MYO3A: variants seen among roughly 807,000 people sequenced by gnomAD.
MYO3A encodes myosin-IIIa.
In MYO3A, 180 loss-of-function variants were observed where a neutral mutation model predicts 192.7. That is an observed-to-expected ratio of 0.93 (90% confidence interval 0.83 to 1.06). The LOEUF (loss-of-function observed/expected upper bound fraction) is 1.06. Among genes scored for constraint, MYO3A ranks in the 50% least tolerant of loss-of-function variants. The pLI is 0.00. For synonymous variants in MYO3A, 628 were observed against 645.3 expected, an observed-to-expected ratio of 0.97 and a Z score of 0.41; for missense variants, 1,896 against 1,905.0, an observed-to-expected ratio of 1.00 and a Z score of 0.09.
chr10:26,010,465 T>TG (rs1554802920), intron 6 of MYO3A, among the ~76,000 whole-genome samples: 14 of 150,110 alleles, frequency 9.3e-5, no homozygotes, highest in African/African-American at 3.2e-4. Context: ...TTTTTTTTTT[T>TG]TTTTTTGTTT....
chr10:26,002,020 C>T (rs1254029604), intron 6 of MYO3A, among the ~76,000 whole-genome samples: 1 of 152,086 alleles, frequency 6.6e-6, no homozygotes, highest in African/African-American at 2.4e-5. Flanking sequence ...GGAGAAAACA[C>T]TTTTATCCAA....
At chr10:25,951,082 A>G (rs1057072814) in intron 2 of MYO3A, among the ~76,000 whole-genome samples, 1 of 152,192 alleles carries the variant, frequency 6.6e-6, no homozygotes, top group Non-Finnish European at 1.5e-5. Flanking sequence ...ATTAATTGAC[A>G]AATCAATTAA....
chr10:25,995,979 G>A lies in MYO3A; in HGVS notation c.304-511G>A, dbSNP rs185290594. On this transcript the variant is annotated intron_variant, in intron 4 of 34. Coordinates refer to ENST00000642920, the MANE Select transcript of MYO3A (RefSeq NM_017433.5). ...ACCCACTTGAGGAGGCAGTCTGTCC[G>A]TTCTCAGATCTTAAACTCCATGCTG... is the stretch of plus-strand genomic sequence containing the variant. Among the ~76,000 whole-genome samples, 477 of 152,324 alleles carry A rather than the reference G, an allele frequency of 3.1e-3. 1 individual carries two copies. Among genetic ancestry groups the A allele is most frequent in the African/African-American group, 0.011 (445 of 41,566 alleles).
At chr10:25,993,349 G>A (rs892646692) in intron 4 of MYO3A, among the ~76,000 whole-genome samples, 1 of 152,042 alleles carries the variant, frequency 6.6e-6, no homozygotes, top group African/African-American at 2.4e-5. Flanking sequence ...TGGGATTGAT[G>A]GTGATATCCC....
intron 26 of MYO3A, among the ~76,000 whole-genome samples, chr10:26,165,230 A>C (rs1483216517): frequency 6.6e-6 from 1 of 152,160 alleles, no homozygotes; most frequent in Non-Finnish European, 1.5e-5. Context: ...TCTGCATGTC[A>C]CCGTGCCACC....
intron 17 of MYO3A, among the ~76,000 whole-genome samples, chr10:26,100,761 C>G (rs907230067): frequency 5.9e-5 from 9 of 152,142 alleles, no homozygotes; most frequent in African/African-American, 1.7e-4. Context: ...GTCTGAGAGA[C>G]AGTTTGTTAT....
chr10:25,980,103 G>A (rs907130376), intron 4 of MYO3A, among the ~76,000 whole-genome samples: 1 of 152,036 alleles, frequency 6.6e-6, no homozygotes, highest in African/African-American at 2.4e-5. Context: ...CAGGCGTGGT[G>A]GCAGGCGCCT....
At chr10:26,024,832 T>C (rs905233162) in intron 9 of MYO3A, among the ~76,000 whole-genome samples, 1 of 152,210 alleles carries the variant, frequency 6.6e-6, no homozygotes, top group Non-Finnish European at 1.5e-5. Context: ...GCAGTTAGTA[T>C]TCTGTCCTGG....
chr10:26,194,039 A>G (rs191014283), intron 32 of MYO3A, among the ~76,000 whole-genome samples: 1 of 152,218 alleles, frequency 6.6e-6, no homozygotes, highest in Admixed American at 6.5e-5. Flanking sequence ...CCTCTCTCTC[A>G]TACCTGTGAT....
chr10:26,089,270 T>C (rs182176639), intron 15 of MYO3A, among the ~76,000 whole-genome samples: 3 of 152,124 alleles, frequency 2.0e-5, no homozygotes, highest in Admixed American at 2.0e-4. Context: ...GGAGTCCAGC[T>C]CCTAATATGG....
intron 6 of MYO3A, among the ~76,000 whole-genome samples, chr10:25,998,301 C>A (rs1705195586): frequency 6.6e-6 from 1 of 152,110 alleles, no homozygotes; most frequent in Non-Finnish European, 1.5e-5. Context: ...TTTAAAATTT[C>A]TTTAATATCT....
intron 6 of MYO3A, among the ~76,000 whole-genome samples, chr10:26,002,575 C>T (rs973188721): frequency 1.3e-5 from 2 of 151,726 alleles, no homozygotes; most frequent in South Asian, 2.1e-4. Context: ...AGCAGGTAAT[C>T]GGAATAAGTC....
intron 2 of MYO3A, among the ~76,000 whole-genome samples, chr10:25,948,311 G>A (rs959339553): frequency 1.3e-5 from 2 of 152,038 alleles, no homozygotes; most frequent in Admixed American, 6.6e-5. Context: ...CTGAAGATAC[G>A]TTTTTCATTG....
intron 2 of MYO3A, among the ~76,000 whole-genome samples, chr10:25,937,574 A>G (rs928041948): frequency 1.3e-5 from 2 of 152,192 alleles, no homozygotes; most frequent in African/African-American, 4.8e-5. Flanking sequence ...GTTTATACTA[A>G]AACTTAAAGT....
intron 34 of MYO3A, 67 bp from the exon 35 acceptor site, chr10:26,211,776 G>A (rs897766350): frequency 1.2e-6 from 2 of 1,602,744 alleles, no homozygotes; most frequent in East Asian, 2.2e-5. Context: ...CGCCTAACTC[G>A]GGGTAGGTGG....
intron 10 of MYO3A, among the ~76,000 whole-genome samples, chr10:26,043,149 G>GTCTCTCTCTCTCTCTCTCTCTC (rs59621862): frequency 5.1e-4 from 73 of 143,378 alleles, no homozygotes; most frequent in Admixed American, 2.7e-3. Context: ...GCCAAACAGA[G>GTCTCTCTCTCTCTCTCTCTCTC]TCTCTCTCTC....
intron 17 of MYO3A, among the ~76,000 whole-genome samples, chr10:26,103,183 C>T (rs61840836): frequency 0.38 from 57,449 of 152,112 alleles, 11,313 homozygotes; most frequent in Middle Eastern, 0.52. Flanking sequence ...TGGAACCCTC[C>T]GGGCCATGTG....
chr10:26,198,416 C>G (rs1843519925), intron 32 of MYO3A, among the ~76,000 whole-genome samples: 1 of 152,042 alleles, frequency 6.6e-6, no homozygotes. Flanking sequence ...CAAGTTTCCT[C>G]AAAAAAACGA....
At chr10:26,036,863 A>G (rs1463451033) in intron 10 of MYO3A, among the ~76,000 whole-genome samples, 1 of 152,178 alleles carries the variant, frequency 6.6e-6, no homozygotes, top group Non-Finnish European at 1.5e-5. Flanking sequence ...GTTCTTGGGA[A>G]TATACTTAAA....
Sources: gnomAD v4.1 joint callset for allele counts (sites outside exome capture counted in the v4.1 genomes callset) on GRCh38, gnomAD v4.1.1 for gene constraint, MANE v1.5 for transcripts, NCBI Gene and HGNC (gene_info 2026-07-23, HGNC 2026-07-21) for gene names.